TTLL5: variants seen among roughly 807,000 people sequenced by gnomAD.
TTLL5 encodes the protein tubulin polyglutamylase TTLL5.
A neutral mutation model predicts 168.4 loss-of-function variants in TTLL5; 132 were observed. The observed-to-expected ratio is 0.78, with a 90% CI of 0.68 to 0.91. The LOEUF is 0.91. TTLL5 is among the 40% of genes least tolerant of loss of function. TTLL5 has a pLI of 0.00. For synonymous variants in TTLL5, 546 were observed against 558.6 expected, an observed-to-expected ratio of 0.98 and a Z score of 0.32; for missense variants, 1,545 against 1,581.5, an observed-to-expected ratio of 0.98 and a Z score of 0.39.
chr14:75,849,387 A>T (rs1019891823), intron 28 of TTLL5, among the ~76,000 whole-genome samples: 1 of 152,250 alleles, frequency 6.6e-6, no homozygotes, highest in South Asian at 2.1e-4. Flanking sequence ...AGCAGTTCTT[A>T]TGATGGCTAA....
chr14:75,681,749 G>A (rs2140118172), intron 4 of TTLL5, 122 bp downstream of exon 4: 1 of 718,726 alleles, frequency 1.4e-6, no homozygotes, highest in East Asian at 2.6e-5. Context: ...GCTTAGTGGT[G>A]GTCCAGAACT....
rs758956557 is a variant in TTLL5 at position 75,762,395 on chromosome 14, AAAAT to A, written c.1551-2202_1551-2199del. On this transcript the variant is annotated intron_variant, in intron 18 of 31. Coordinates refer to ENST00000298832, the MANE Select transcript of TTLL5 (RefSeq NM_015072.5). Reference sequence around the variant, plus strand: ...GGGTGACAGAGCAAGACTCCGTCTCAAAATAAATAAATAAATAAATAGTTGGAAA... The same window carrying A: ...GGGTGACAGAGCAAGACTCCGTCTCAAAATAAATAAATAAATAGTTGGAAA... Among the ~76,000 whole-genome samples, 28 of 152,296 alleles carry A rather than the reference AAAAT, an allele frequency of 1.8e-4. 1 individual carries two copies. The South Asian group carries it at 2.3e-3, about 12-fold the overall frequency.
intron 19 of TTLL5, among the ~76,000 whole-genome samples, chr14:75,765,491 CTTAAG>C (rs909256865): frequency 2.2e-4 from 34 of 151,298 alleles, no homozygotes; most frequent in African/African-American, 8.3e-4. Context: ...TATTTTTTGC[CTTAAG>C]TTGTGAGAGA....
In TTLL5 at chr14:75,775,535, C is replaced by T. The variant is rs1595017838; in HGVS notation, c.2188C>T (p.Leu730=). The T allele has an allele frequency of 1.2e-6, 2 of 1,614,046 alleles. No individual in the cohort carries two copies. The highest frequency in any genetic ancestry group is 2.2e-5 in the South Asian group (2 of 91,072). ...KRASNNLQHS[L]RMVLPSRRLA... ...AGCATCAAATAACCTCCAGCATTCACTGAGGATGGTATTACCCAGTCGACG... is the reference window on the plus strand; with the variant it reads ...AGCATCAAATAACCTCCAGCATTCATTGAGGATGGTATTACCCAGTCGACG... Residue 730 remains leucine (L), a synonymous_variant, in exon 22 of 32, where the codon CTG becomes TTG. Coordinates refer to ENST00000298832, the MANE Select transcript of TTLL5 (RefSeq NM_015072.5).
At chr14:75,931,051 G>C (rs762049021) in intron 31 of TTLL5, among the ~76,000 whole-genome samples, 4 of 152,094 alleles carry the variant, frequency 2.6e-5, no homozygotes, top group Non-Finnish European at 5.9e-5. Context: ...AGTTTCAGCT[G>C]ACCTCCATCT....
intron 12 of TTLL5, among the ~76,000 whole-genome samples, chr14:75,727,552 G>A (rs1029309840): frequency 3.3e-5 from 5 of 152,106 alleles, no homozygotes; most frequent in Non-Finnish European, 5.9e-5. Flanking sequence ...GACTGGAGAG[G>A]GGCACAAGGG....
intron 30 of TTLL5, among the ~76,000 whole-genome samples, chr14:75,883,306 C>T (rs1352050374): frequency 2.0e-5 from 3 of 152,216 alleles, no homozygotes; most frequent in African/African-American, 7.2e-5. Flanking sequence ...GTTTTTAATA[C>T]CTTTTGTAGT....
chr14:75,949,004 T>G (rs1329874252), intron 31 of TTLL5, among the ~76,000 whole-genome samples: 1 of 152,100 alleles, frequency 6.6e-6, no homozygotes, highest in Non-Finnish European at 1.5e-5. Flanking sequence ...TACCAAACAT[T>G]CAAGGAACAA....
chr14:75,779,374 G>A (rs544483712), intron 23 of TTLL5, among the ~76,000 whole-genome samples: 3 of 101,342 alleles, frequency 3.0e-5, no homozygotes, highest in Admixed American at 9.9e-5. Context: ...AATTCACTGC[G>A]GGATGAATAA....
chr14:75,844,989 T>A (rs1896466399), intron 28 of TTLL5, among the ~76,000 whole-genome samples: 1 of 152,222 alleles, frequency 6.6e-6, no homozygotes. Flanking sequence ...GCTTTCCTAT[T>A]GTTCCCTGTT....
intron 18 of TTLL5, chr14:75,757,789 G>A (rs750470336): frequency 1.3e-6 from 2 of 1,561,226 alleles, no homozygotes; most frequent in East Asian, 2.3e-5. Context: ...GAGACTACCT[G>A]AATAGCATTC....
At chr14:75,699,417 T>A in intron 7 of TTLL5, 147 bp downstream of exon 7, 2 of 739,624 alleles carry the variant, frequency 2.7e-6, no homozygotes. Context: ...AGCGTAGGTA[T>A]AACTTGACTT....
At chr14:75,717,111 A>G (rs552559604) in intron 9 of TTLL5, among the ~76,000 whole-genome samples, 9 of 151,156 alleles carry the variant, frequency 6.0e-5, no homozygotes, top group African/African-American at 1.5e-4. Context: ...ATTGAATGCT[A>G]TAGTACCAGG....
rs192825971 is a variant in TTLL5 at position 75,871,040 on chromosome 14, C to T, written c.3522+7178C>T. On this transcript the variant is annotated intron_variant, in intron 29 of 31. Coordinates refer to ENST00000298832, the MANE Select transcript of TTLL5 (RefSeq NM_015072.5). The stretch of plus-strand genomic sequence containing the variant: ...TGATCTCCTGACCTTGTGATCTGCC[C>T]ACCCTCGGCCTCCCAAAGTGCTGGG... Among the ~76,000 whole-genome samples, 60 of 152,282 alleles carry T rather than the reference C, an allele frequency of 3.9e-4. 1 individual carries two copies. The East Asian group carries it at 0.011, about 27-fold the overall frequency.
intron 31 of TTLL5, among the ~76,000 whole-genome samples, chr14:75,911,095 T>G (rs2033363649): frequency 6.6e-6 from 1 of 152,216 alleles, no homozygotes; most frequent in South Asian, 2.1e-4. Context: ...CGGCATGATC[T>G]CAGCTCACTG....
At chr14:75,690,064 T>C (rs59384311) in intron 5 of TTLL5, 128 bp from the exon 6 acceptor site, 100,183 of 922,928 alleles carry the variant, frequency 0.11, 6,049 homozygotes, top group Non-Finnish European at 0.12. Context: ...AACAGCGATA[T>C]GTTTAGGATA....
intron 2 of TTLL5, among the ~76,000 whole-genome samples, chr14:75,669,105 G>A (rs1391522300): frequency 2.6e-5 from 4 of 152,190 alleles, no homozygotes; most frequent in African/African-American, 9.7e-5. Flanking sequence ...CTTTCTCACA[G>A]AGTCCAGAAC....
At chr14:75,820,252 G>A in intron 28 of TTLL5, 91 bp downstream of exon 28, 1 of 1,376,586 alleles carries the variant, frequency 7.3e-7, no homozygotes, top group South Asian at 1.8e-5. Flanking sequence ...TCTGTATGGA[G>A]ATAGCACTAA....
chr14:75,759,976 A>G (rs142385389), intron 18 of TTLL5, among the ~76,000 whole-genome samples: 1 of 152,212 alleles, frequency 6.6e-6, no homozygotes, highest in African/African-American at 2.4e-5. Context: ...CACTCATACC[A>G]CTTTTATTCA....
Sources: gnomAD v4.1 joint callset for allele counts (sites outside exome capture counted in the v4.1 genomes callset) on GRCh38, gnomAD v4.1.1 for gene constraint, MANE v1.5 for transcripts, NCBI Gene and HGNC (gene_info 2026-07-23, HGNC 2026-07-21) for gene names.